ANAPC10: variants seen among roughly 807,000 people sequenced by gnomAD.
ANAPC10 encodes the protein anaphase promoting complex subunit 10.
Under a neutral mutation model 22.0 loss-of-function variants are expected in ANAPC10, and 12 were observed. The ratio of observed to expected loss-of-function variants is 0.55; its 90% CI spans 0.35 to 0.88. The LOEUF is 0.88. ANAPC10 is among the 40% of genes least tolerant of loss of function. The pLI is 0.01. For synonymous variants in ANAPC10, 65 were observed against 69.5 expected (o/e 0.94, Z 0.32); for missense variants, 188 against 220.9 (o/e 0.85, Z 0.94).
At position 145,096,236 on chromosome 4, in the gene ANAPC10, G is replaced by A. The variant is rs989317075; in HGVS notation, c.-12-125C>T. ...ACATTAATCATTTATTCTGAAGAAT[G>A]CAGTTAATATAATTAAATCACTGTA... On this transcript the variant is annotated intron_variant, in intron 1 of 4. Coordinates refer to ENST00000507656, the MANE Select transcript of ANAPC10 (RefSeq NM_001256706.2). 6.0e-6 allele frequency: 6 copies of A among 1,003,672 alleles called. No homozygotes were observed. In the African/African-American group the frequency reaches 9.7e-5, roughly 16 times the overall value. The allele number at this position is 1,003,672 out of a possible 1,614,324, so 62.2% of individuals were successfully genotyped here.
At chr4:145,042,928 CA>C (rs1368591143) in intron 4 of ANAPC10, among the ~76,000 whole-genome samples, 3 of 149,982 alleles carry the variant, frequency 2.0e-5, no homozygotes, top group Non-Finnish European at 4.5e-5. Context: ...AAAAAAAAAA[CA>C]AAATAAAGTG....
rs1731437738 is a variant in ANAPC10 at position 144,995,211 on chromosome 4, T to C, written c.*162A>G. The C allele has an allele frequency of 2.2e-6, 1 of 446,404 alleles. No individual in the cohort carries two copies. The highest frequency in any genetic ancestry group is 3.9e-6 in the Non-Finnish European group (1 of 258,444). The allele number at this position is 446,404 out of a possible 1,614,324, so 27.7% of individuals were successfully genotyped here. A position where few individuals can be genotyped will look rare whatever the true frequency, so the allele number is the denominator to read the frequency against. On this transcript the variant is annotated 3_prime_UTR_variant, in exon 5 of 5. Coordinates refer to ENST00000507656, the MANE Select transcript of ANAPC10 (RefSeq NM_001256706.2). ...TATTACATGTTAAAGAAAATAAAGATAATATGACCCCAAATTTATTTGTCA... is the reference window on the plus strand; with the variant it reads ...TATTACATGTTAAAGAAAATAAAGACAATATGACCCCAAATTTATTTGTCA...
At chr4:145,013,590 A>G (rs1211114365) in intron 4 of ANAPC10, among the ~76,000 whole-genome samples, 1 of 152,176 alleles carries the variant, frequency 6.6e-6, no homozygotes, top group Non-Finnish European at 1.5e-5. Context: ...GGGAGGCAGT[A>G]GATTGCAGCT....
intron 4 of ANAPC10, among the ~76,000 whole-genome samples, chr4:145,026,955 G>GTGTGTGTGTA (rs1736786719): frequency 1.2e-4 from 2 of 17,044 alleles, no homozygotes; most frequent in African/African-American, 2.3e-4. Flanking sequence ...ATGTGTGTGT[G>GTGTGTGTGTA]TGTATATATA....
At chr4:145,050,445 T>G (rs570213947) in intron 4 of ANAPC10, among the ~76,000 whole-genome samples, 7 of 152,348 alleles carry the variant, frequency 4.6e-5, no homozygotes, top group African/African-American at 1.7e-4. Flanking sequence ...TAGTGAGGGC[T>G]GCCTTCAACT....
At chr4:145,070,126 G>A (rs1744279701) in intron 3 of ANAPC10, among the ~76,000 whole-genome samples, 1 of 152,180 alleles carries the variant, frequency 6.6e-6, no homozygotes, top group African/African-American at 2.4e-5. Context: ...AAAAGTTTAA[G>A]AACTTCTGCT....
At chr4:145,052,745 A>G (rs1741308943) in intron 4 of ANAPC10, among the ~76,000 whole-genome samples, 3 of 152,014 alleles carry the variant, frequency 2.0e-5, no homozygotes. Context: ...AAAATTAGCC[A>G]GGTGTGGTGG....
Position 145,000,445 on chromosome 4 carries a change from A to C in ANAPC10, c.328-4842T>G, listed in dbSNP as rs528204753. Among the ~76,000 whole-genome samples, 22 of 152,344 alleles carry C rather than the reference A, an allele frequency of 1.4e-4. 1 individual carries two copies. The South Asian group carries it at 4.6e-3, about 32-fold the overall frequency. On this transcript the variant is annotated intron_variant, in intron 4 of 4. Coordinates refer to ENST00000507656, the MANE Select transcript of ANAPC10 (RefSeq NM_001256706.2). ...ATTTATACAGCCAACACACACTAAA[A>C]CATGCTCATCATCACTGGTCATCAG...
chr4:145,052,230 C>T (rs1249775323), intron 4 of ANAPC10, among the ~76,000 whole-genome samples: 1 of 152,050 alleles, frequency 6.6e-6, no homozygotes, highest in Admixed American at 6.5e-5. Context: ...ATATTGTATA[C>T]TTGAAAATTG....
At chr4:145,092,704 G>C (rs1747871079) in intron 2 of ANAPC10, among the ~76,000 whole-genome samples, 2 of 152,112 alleles carry the variant, frequency 1.3e-5, no homozygotes, top group African/African-American at 4.8e-5. Context: ...CAGTGCTACA[G>C]ATACAGAGGA....
At chr4:145,008,464 A>G (rs958096704) in intron 4 of ANAPC10, among the ~76,000 whole-genome samples, 1 of 152,226 alleles carries the variant, frequency 6.6e-6, no homozygotes, top group Non-Finnish European at 1.5e-5. Flanking sequence ...CGAATCCAGC[A>G]GCACATCAAA....
At chr4:145,028,510 G>T (rs1737076004) in intron 4 of ANAPC10, among the ~76,000 whole-genome samples, 2 of 152,060 alleles carry the variant, frequency 1.3e-5, no homozygotes, top group Non-Finnish European at 2.9e-5. Context: ...CCCTCAAAAA[G>T]AACCATGACT....
At chr4:145,048,455 T>C (rs1740642194) in intron 4 of ANAPC10, among the ~76,000 whole-genome samples, 1 of 152,172 alleles carries the variant, frequency 6.6e-6, no homozygotes, top group South Asian at 2.1e-4. Context: ...GTGGGTATCA[T>C]TACTGGTTCT....
At chr4:145,093,442 TAA>T (rs925790695) in intron 2 of ANAPC10, among the ~76,000 whole-genome samples, 1 of 134,666 alleles carries the variant, frequency 7.4e-6, no homozygotes. Flanking sequence ...TGGCACTCAA[TAA>T]AAAAAAAAGA....
At chr4:145,050,049 G>A (rs1740870803) in intron 4 of ANAPC10, among the ~76,000 whole-genome samples, 1 of 152,108 alleles carries the variant, frequency 6.6e-6, no homozygotes, top group African/African-American at 2.4e-5. Flanking sequence ...CATCTAGAAT[G>A]GTAAGTTATT....
In ANAPC10 at chr4:144,995,321, A is replaced by C. The variant is rs1156328345; in HGVS notation, c.*52T>G. On this transcript the variant is annotated 3_prime_UTR_variant, in exon 5 of 5. Coordinates refer to ENST00000507656, the MANE Select transcript of ANAPC10 (RefSeq NM_001256706.2). ...AATAAAGGTACATGATATATTATTTAAATACAGGATAAAACAAAGATACGT... is the reference window on the plus strand; with the variant it reads ...AATAAAGGTACATGATATATTATTTCAATACAGGATAAAACAAAGATACGT... 28 of 1,188,932 alleles carry C rather than the reference A, an allele frequency of 2.4e-5. No homozygotes were observed. Among genetic ancestry groups the C allele is most frequent in the Non-Finnish European group, 1.1e-5 (9 of 821,376 alleles). The allele number at this position is 1,188,932 out of a possible 1,614,324, so 73.6% of individuals were successfully genotyped here.
intron 4 of ANAPC10, among the ~76,000 whole-genome samples, chr4:145,006,939 T>C (rs1733461245): frequency 6.6e-6 from 1 of 152,084 alleles, no homozygotes. Flanking sequence ...AGTCCCACAA[T>C]ACAGGCTTTA....
intron 3 of ANAPC10, among the ~76,000 whole-genome samples, chr4:145,079,036 G>C (rs1018477593): frequency 2.8e-4 from 42 of 152,040 alleles, no homozygotes; most frequent in African/African-American, 7.7e-4. Context: ...TGACAAGTGG[G>C]ACCTAATTAA....
chr4:145,004,749 G>A (rs760740758), intron 4 of ANAPC10, among the ~76,000 whole-genome samples: 1 of 152,128 alleles, frequency 6.6e-6, no homozygotes, highest in African/African-American at 2.4e-5. Flanking sequence ...CAGTTTGCTA[G>A]TATTTTGTTG....
Sources: gnomAD v4.1 joint callset for allele counts (sites outside exome capture counted in the v4.1 genomes callset) on GRCh38, gnomAD v4.1.1 for gene constraint, MANE v1.5 for transcripts, NCBI Gene and HGNC (gene_info 2026-07-23, HGNC 2026-07-21) for gene names.